ZNF804B: variants seen among roughly 807,000 people sequenced by gnomAD.
ZNF804B encodes zinc finger 804B.
ZNF804B carries 80 observed loss-of-function variants against 101.4 expected under a neutral mutation model. The ratio of observed to expected loss-of-function variants is 0.79; its 90% confidence interval spans 0.66 to 0.95. The LOEUF is 0.95. ZNF804B is among the 40% of genes least tolerant of loss of function. The pLI is 0.00. For missense variants in ZNF804B, 1,673 were observed against 1,561.9 expected, an observed-to-expected ratio of 1.07 and a Z score of -1.20; for synonymous variants, 622 against 558.8, an observed-to-expected ratio of 1.11 and a Z score of -1.59.
At chr7:89,244,042 A>T (rs1198621406) in intron 2 of ZNF804B, among the ~76,000 whole-genome samples, 1 of 152,038 alleles carries the variant, frequency 6.6e-6, no homozygotes, top group Non-Finnish European at 1.5e-5. Flanking sequence ...CCCCTTTAAA[A>T]TTCCTTCATT....
Position 89,085,141 on chromosome 7 carries a change from G to A in ZNF804B, c.109-133014G>A, listed in dbSNP as rs1217789587. Reference sequence around the variant, plus strand: ...CATTCTGTAAGTTTAGAATATGCTCGCCAAATCAAAGCTCTTTTGAAAAAT... The same window carrying A: ...CATTCTGTAAGTTTAGAATATGCTCACCAAATCAAAGCTCTTTTGAAAAAT... On this transcript the variant is annotated intron_variant, in intron 1 of 3. Transcript: ENST00000333190. Among the ~76,000 whole-genome samples the A allele has an allele frequency of 2.0e-5, 3 of 151,460 alleles. No individual in the cohort carries two copies. The South Asian group carries it at 6.2e-4, about 31-fold the overall frequency.
chr7:89,051,194 G>C (rs1355417721), intron 1 of ZNF804B, among the ~76,000 whole-genome samples: 1 of 151,952 alleles, frequency 6.6e-6, no homozygotes, highest in Non-Finnish European at 1.5e-5. Context: ...GTAGGTGTGT[G>C]TGCATGTATA....
chr7:89,217,145 A>G (rs2115694277), intron 1 of ZNF804B, among the ~76,000 whole-genome samples: 1 of 152,372 alleles, frequency 6.6e-6, no homozygotes, highest in African/African-American at 2.4e-5. Context: ...ATGAAAACAG[A>G]TAATTTAATG....
intron 1 of ZNF804B, among the ~76,000 whole-genome samples, chr7:88,939,399 T>G (rs1287583081): frequency 6.6e-6 from 1 of 151,974 alleles, no homozygotes; most frequent in Admixed American, 6.6e-5. Flanking sequence ...TTTGGTTGAA[T>G]CCACAGACAG....
intron 1 of ZNF804B, among the ~76,000 whole-genome samples, chr7:88,793,871 G>A (rs1485979076): frequency 1.3e-5 from 2 of 151,868 alleles, no homozygotes; most frequent in African/African-American, 2.4e-5. Context: ...TCTGAATTCC[G>A]TTTGTCTTTT....
chr7:89,069,690 T>C (rs1189316042), intron 1 of ZNF804B, among the ~76,000 whole-genome samples: 3 of 152,188 alleles, frequency 2.0e-5, no homozygotes, highest in Non-Finnish European at 4.4e-5. Flanking sequence ...GGTCTATATT[T>C]ACACTTTTGG....
intron 2 of ZNF804B, among the ~76,000 whole-genome samples, chr7:89,280,807 G>T (rs1205076331): frequency 1.3e-5 from 2 of 152,312 alleles, no homozygotes; most frequent in East Asian, 3.9e-4. Context: ...TGGATTCACA[G>T]CCGAATTCTA....
chr7:88,883,863 A>G (rs1417174031), intron 1 of ZNF804B, among the ~76,000 whole-genome samples: 2 of 151,948 alleles, frequency 1.3e-5, no homozygotes, highest in East Asian at 1.9e-4. Flanking sequence ...TACTAATTAT[A>G]TGTCACTTAT....
chr7:89,273,246 A>G (rs1455077235), intron 2 of ZNF804B, among the ~76,000 whole-genome samples: 2 of 152,124 alleles, frequency 1.3e-5, no homozygotes, highest in Non-Finnish European at 2.9e-5. Flanking sequence ...GCTACTCACT[A>G]CAAAGAGGCA....
intron 1 of ZNF804B, among the ~76,000 whole-genome samples, chr7:89,152,444 CAATTAA>C (rs1790893094): frequency 6.6e-6 from 1 of 151,612 alleles, no homozygotes; most frequent in African/African-American, 2.4e-5. Context: ...CTATTAAATT[CAATTAA>C]AATTAAAACA....
At position 88,901,874 on chromosome 7, in the gene ZNF804B, A is replaced by G. The variant is rs576867324; in HGVS notation, c.108+141790A>G. ...TTCTTTTGATAAGCTTTGTCCATGT[A>G]TCCCAATTAATGCTGGCTTGGTATG... On this transcript the variant is annotated intron_variant, in intron 1 of 3. Transcript: ENST00000333190. Among the ~76,000 whole-genome samples the G allele has an allele frequency of 5.3e-5, 8 of 152,028 alleles. No homozygotes were observed. The South Asian group carries it at 1.0e-3, about 20-fold the overall frequency.
chr7:88,767,817 A>G (rs1354326185), intron 1 of ZNF804B, among the ~76,000 whole-genome samples: 6 of 152,222 alleles, frequency 3.9e-5, no homozygotes, highest in African/African-American at 1.4e-4. Context: ...TGACTATGAC[A>G]TGTTCGCAGA....
At chr7:89,067,236 G>A (rs1235602229) in intron 1 of ZNF804B, among the ~76,000 whole-genome samples, 1 of 152,172 alleles carries the variant, frequency 6.6e-6, no homozygotes, top group Non-Finnish European at 1.5e-5. Context: ...AACAGGGCAG[G>A]TGGTTAGGAA....
At chr7:89,208,021 T>C (rs1424737237) in intron 1 of ZNF804B, among the ~76,000 whole-genome samples, 1 of 152,100 alleles carries the variant, frequency 6.6e-6, no homozygotes, top group African/African-American at 2.4e-5. Flanking sequence ...GGTGGGCTAA[T>C]ACTGCGTTGT....
intron 1 of ZNF804B, among the ~76,000 whole-genome samples, chr7:89,063,878 A>G (rs1048523134): frequency 6.6e-6 from 1 of 152,192 alleles, no homozygotes; most frequent in Non-Finnish European, 1.5e-5. Context: ...GGTTACAGCC[A>G]GTGGAGAAAT....
rs1791100490 is a variant in ZNF804B at position 89,163,658 on chromosome 7, A to G, written c.109-54497A>G. 1.4e-5 allele frequency among the ~76,000 whole-genome samples: 2 copies of G among 146,090 alleles called. 1 individual carries two copies. The highest frequency in any genetic ancestry group is 4.4e-4 in the South Asian group (2 of 4,498). On this transcript the variant is annotated intron_variant, in intron 1 of 3. Coordinates refer to ENST00000333190, the MANE Select transcript of ZNF804B (RefSeq NM_181646.5). The stretch of plus-strand genomic sequence containing the variant: ...AGTTATAACGGAAACAGCATTGGTC[A>G]CTTTTAGCAAAAAAAAATGTATTTT...
intron 1 of ZNF804B, among the ~76,000 whole-genome samples, chr7:89,192,016 G>A (rs979527737): frequency 1.3e-5 from 2 of 152,052 alleles, no homozygotes; most frequent in African/African-American, 4.8e-5. Flanking sequence ...TGTTATGTAT[G>A]AGATAATATC....
chr7:89,279,961 T>A (rs1334442368), intron 2 of ZNF804B, among the ~76,000 whole-genome samples: 9 of 152,016 alleles, frequency 5.9e-5, no homozygotes, highest in African/African-American at 2.2e-4. Flanking sequence ...ATACATTTTT[T>A]TCAACACCAC....
rs3084379 is a variant in ZNF804B at position 88,777,846 on chromosome 7, TA to T, written c.108+17783del. ...ATGGGTGACAGAGTGAGACTCCATCTAAAAAAAAAAAAAAAAAAAAATTGCA... is the reference window on the plus strand; with the variant it reads ...ATGGGTGACAGAGTGAGACTCCATCTAAAAAAAAAAAAAAAAAAAATTGCA... On this transcript the variant is annotated intron_variant, in intron 1 of 3. Transcript: ENST00000333190. Among the ~76,000 whole-genome samples, 148 of 107,558 alleles carry T rather than the reference TA, an allele frequency of 1.4e-3. No individual in the cohort carries two copies. The Middle Eastern group carries it at 0.016, about 12-fold the overall frequency. The allele number at this position is 107,558 out of a possible 152,430, so 70.6% of individuals were successfully genotyped here.
Sources: allele counts gnomAD v4.1 joint callset (sites outside exome capture counted in the v4.1 genomes callset), GRCh38; gene constraint gnomAD v4.1.1; transcripts MANE v1.5; gene names NCBI Gene and HGNC (gene_info 2026-07-23, HGNC 2026-07-21).